The following MCC variants were observed in gnomAD, a reference collection of about 807,000 sequenced individuals.
MCC encodes MCC regulator of Wnt signaling pathway.
Under a neutral mutation model 116.2 loss-of-function variants are expected in MCC, and 90 were observed. The ratio of observed to expected loss-of-function variants is 0.77; its 90% CI spans 0.65 to 0.92. The LOEUF is 0.92. Among genes scored for constraint, MCC ranks in the 40% least tolerant of loss-of-function variants. MCC has a pLI of 0.00. For synonymous variants in MCC, 578 were observed against 510.5 expected (o/e 1.13, Z -1.78); for missense variants, 1,516 against 1,312.2 (o/e 1.16, Z -2.40).
chr5:113,354,439 C>CTTTTT (rs67121130), intron 2 of MCC, among the ~76,000 whole-genome samples: 2 of 146,094 alleles, frequency 1.4e-5, no homozygotes, highest in Non-Finnish European at 1.5e-5. Context: ...TTTCCTTTTT[C>CTTTTT]TTTTTTTTTT....
rs1031182460 is a variant in MCC, at chr5:113,266,510, G to T, written c.627+74009C>A. 1.6e-4 allele frequency among the ~76,000 whole-genome samples: 25 copies of T among 152,290 alleles called. 3 individuals carry two copies. The highest frequency in any genetic ancestry group is 5.9e-4 in the Admixed American group (9 of 15,292). ...ATTTGTATTTATCTGGGAGAGGGATGGGCAGAAGATGGGATAGCACTACTC... is the reference window on the plus strand; with the variant it reads ...ATTTGTATTTATCTGGGAGAGGGATTGGCAGAAGATGGGATAGCACTACTC... On this transcript the variant is annotated intron_variant, in intron 3 of 18. Coordinates refer to ENST00000408903, the MANE Select transcript of MCC (RefSeq NM_001085377.2).
rs1399922046 is a variant in MCC, at chr5:113,122,811, G to A, written c.900C>T (p.Tyr300=). The A allele has an allele frequency of 2.5e-6, 4 of 1,614,110 alleles. No individual in the cohort carries two copies. The highest frequency in any genetic ancestry group is 3.4e-6 in the Non-Finnish European group (4 of 1,180,006). ...QGTTIREEDE[Y]SELRSELSQS... ...GGCTGAGTTCTGATCGCAGTTCTGAGTACTCATCTTCCTCCCTGAGAAAAA... is the reference window on the plus strand; with the variant it reads ...GGCTGAGTTCTGATCGCAGTTCTGAATACTCATCTTCCTCCCTGAGAAAAA... Residue 300 remains tyrosine (Y), a synonymous_variant, in exon 6 of 19, where the codon TAC becomes TAT. Coordinates refer to ENST00000408903, the MANE Select transcript of MCC (RefSeq NM_001085377.2).
Position 113,104,328 on chromosome 5 carries a change from A to T in MCC, c.1055T>A (p.Leu352Gln), listed in dbSNP as rs1370511181. 1 of 1,613,208 alleles carries T rather than the reference A, an allele frequency of 6.2e-7. No individual in the cohort carries two copies. The highest frequency in any genetic ancestry group is 2.2e-5 in the East Asian group (1 of 44,880). Reference protein sequence around the residue: ...MDNCSDLNSELQRVLTGLENV... With the variant: ...MDNCSDLNSEQQRVLTGLENV... Reference sequence around the variant, plus strand: ...CTCCAGCCCTGTCAGCACCCTCTGCAGTTCTGAGTTCAGGTCACTGCAGTT... The same window carrying T: ...CTCCAGCCCTGTCAGCACCCTCTGCTGTTCTGAGTTCAGGTCACTGCAGTT... Residue 352 changes from leucine to glutamine, a missense_variant, in exon 7 of 19, where the codon CTG (leucine) becomes CAG (glutamine). Coordinates refer to ENST00000408903, the MANE Select transcript of MCC (RefSeq NM_001085377.2).
chr5:113,308,765 G>A (rs543665394), intron 3 of MCC, among the ~76,000 whole-genome samples: 1 of 151,518 alleles, frequency 6.6e-6, no homozygotes, highest in South Asian at 2.1e-4. Context: ...ATTTTGCCAT[G>A]GTACTCCAGC....
intron 3 of MCC, among the ~76,000 whole-genome samples, chr5:113,273,383 G>A (rs1285264555): frequency 2.0e-5 from 3 of 152,192 alleles, no homozygotes; most frequent in Non-Finnish European, 4.4e-5. Flanking sequence ...TAGGAAAGTT[G>A]ATATAAAGCT....
At chr5:113,467,576 G>A (rs1372801081) in intron 1 of MCC, among the ~76,000 whole-genome samples, 1 of 152,100 alleles carries the variant, frequency 6.6e-6, no homozygotes, top group Non-Finnish European at 1.5e-5. Context: ...ACGCTGTTTT[G>A]GTTACTGTAG....
At chr5:113,284,393 A>G (rs1484658141) in intron 3 of MCC, among the ~76,000 whole-genome samples, 1 of 152,222 alleles carries the variant, frequency 6.6e-6, no homozygotes, top group African/African-American at 2.4e-5. Flanking sequence ...CTGTATTTTG[A>G]TAGTGTGATC....
intron 3 of MCC, among the ~76,000 whole-genome samples, chr5:113,292,297 T>A (rs1248569828): frequency 6.6e-6 from 1 of 152,056 alleles, no homozygotes; most frequent in African/African-American, 2.4e-5. Context: ...CCATTCAACC[T>A]GCAGGATAAC....
At chr5:113,078,298 C>T (rs572002334) in intron 11 of MCC, among the ~76,000 whole-genome samples, 1 of 152,352 alleles carries the variant, frequency 6.6e-6, no homozygotes, top group African/African-American at 2.4e-5. Context: ...CTCCCTCATT[C>T]ATTTTATGAG....
chr5:113,028,966 T>C lies in MCC; in HGVS notation c.2847A>G (p.Ala949=). 3.7e-6 allele frequency: 6 copies of C among 1,614,106 alleles called. No homozygotes were observed. Among genetic ancestry groups the C allele is most frequent in the Non-Finnish European group, 5.1e-6 (6 of 1,179,982 alleles). The change falls in exon 18 of 19, where the codon GCA becomes GCG. Residue 949 remains alanine (A), a synonymous_variant. Transcript: ENST00000408903. ...KSSEIRHQQS[A]EFVNDLKRAN... The stretch of plus-strand genomic sequence containing the variant: ...CCCGCTTTAGATCATTCACGAACTC[T>C]GCAGATTGCTGATGTCGGATTTCAC...
chr5:113,229,763 C>T (rs1285776820), intron 3 of MCC, among the ~76,000 whole-genome samples: 2 of 152,188 alleles, frequency 1.3e-5, no homozygotes, highest in African/African-American at 4.8e-5. Flanking sequence ...TACCACTGTG[C>T]TACTATTGGC....
chr5:113,470,416 T>G (rs1183114917), intron 1 of MCC, among the ~76,000 whole-genome samples: 9 of 150,806 alleles, frequency 6.0e-5, no homozygotes, highest in Non-Finnish European at 1.0e-4. Flanking sequence ...GTCTGTAAAG[T>G]ATTTTATTTC....
At chr5:113,027,899 C>T (rs1350559096) in intron 18 of MCC, among the ~76,000 whole-genome samples, 2 of 152,158 alleles carry the variant, frequency 1.3e-5, no homozygotes, top group Admixed American at 6.5e-5. Flanking sequence ...AGTGACCATA[C>T]CTGGGACGAG....
chr5:113,091,883 G>GACACACACAC (rs149076453), intron 8 of MCC, among the ~76,000 whole-genome samples: 1,740 of 149,890 alleles, frequency 0.012, 31 homozygotes, highest in African/African-American at 0.04. Context: ...ATGAGACTCA[G>GACACACACAC]ACACACACAC....
intron 3 of MCC, among the ~76,000 whole-genome samples, chr5:113,169,668 G>A (rs1760970886): frequency 6.6e-6 from 1 of 152,132 alleles, no homozygotes; most frequent in African/African-American, 2.4e-5. Flanking sequence ...ACAAGGGTAG[G>A]TTTCTTAAAA....
At chr5:113,250,659 G>C (rs1322516465) in intron 3 of MCC, among the ~76,000 whole-genome samples, 2 of 152,192 alleles carry the variant, frequency 1.3e-5, no homozygotes, top group Admixed American at 6.5e-5. Flanking sequence ...AGGAGTGCAT[G>C]GAACTGTTTG....
chr5:113,422,339 AAAAT>A (rs1248605271), intron 1 of MCC, among the ~76,000 whole-genome samples: 1 of 152,238 alleles, frequency 6.6e-6, no homozygotes, highest in Admixed American at 6.5e-5. Context: ...TAAATATAGT[AAAAT>A]AAATAGTAAG....
intron 1 of MCC, among the ~76,000 whole-genome samples, chr5:113,437,341 T>A (rs1467522256): frequency 6.6e-6 from 1 of 152,144 alleles, no homozygotes; most frequent in Non-Finnish European, 1.5e-5. Context: ...TTACACACAG[T>A]CATAAACACT....
intron 1 of MCC, among the ~76,000 whole-genome samples, chr5:113,439,786 T>C (rs1272475153): frequency 1.3e-5 from 2 of 152,228 alleles, no homozygotes; most frequent in Non-Finnish European, 2.9e-5. Flanking sequence ...AAAAAGATAA[T>C]GATATATAAT....
Sources: gnomAD v4.1 joint callset for allele counts (sites outside exome capture counted in the v4.1 genomes callset) on GRCh38, gnomAD v4.1.1 for gene constraint, MANE v1.5 for transcripts, NCBI Gene and HGNC (gene_info 2026-07-23, HGNC 2026-07-21) for gene names.